Variants in DOCK8 observed in about 807,000 individuals in gnomAD.
The protein encoded by DOCK8 is dedicator of cytokinesis 8, also known as dedicator of cytokinesis protein 8.
A neutral mutation model predicts 245.6 loss-of-function variants in DOCK8; 141 were observed. The ratio of observed to expected loss-of-function variants is 0.57; its 90% CI spans 0.50 to 0.66. DOCK8 has a LOEUF of 0.66. Ranked by LOEUF, DOCK8 falls within the 30% of genes least tolerant of loss-of-function variation. DOCK8 has a pLI of 0.00. For missense variants in DOCK8, 2,965 were observed against 2,603.4 expected, an observed-to-expected ratio of 1.14 and a Z score of -3.02; for synonymous variants, 1,168 against 970.2, an observed-to-expected ratio of 1.20 and a Z score of -3.79.
chr9:237,978 A>G (rs2131400100), intron 1 of DOCK8, among the ~76,000 whole-genome samples: 1 of 152,274 alleles, frequency 6.6e-6, no homozygotes, highest in South Asian at 2.1e-4. Flanking sequence ...GGAATAGCTG[A>G]GTTATAGTCC....
At chr9:370,897 G>T (rs774726669) in intron 16 of DOCK8, among the ~76,000 whole-genome samples, 3 of 152,178 alleles carry the variant, frequency 2.0e-5, no homozygotes, top group Non-Finnish European at 4.4e-5. Flanking sequence ...ATTGGGATGA[G>T]GATTAAGTGA....
Position 434,745 on chromosome 9 carries a change from C to G in DOCK8, c.4887-38C>G. ...GTAGAAGAACAGTGTCATTAACCCA[C>G]TGTCCTCAAAACTACTTCTCACTCA... is the stretch of plus-strand genomic sequence containing the variant. On this transcript the variant is annotated intron_variant, in intron 38 of 47. Transcript: ENST00000432829. 1.9e-6 allele frequency: 3 copies of G among 1,607,106 alleles called. 1 individual carries two copies. In the South Asian group the frequency reaches 3.3e-5, roughly 18 times the overall value.
chr9:216,063 G>A (rs1207372494), intron 1 of DOCK8, among the ~76,000 whole-genome samples: 1 of 152,142 alleles, frequency 6.6e-6, no homozygotes, highest in African/African-American at 2.4e-5. Flanking sequence ...GAAAAACAAG[G>A]CGATAAGGTC....
At chr9:335,843 A>C (rs1391352184) in intron 11 of DOCK8, among the ~76,000 whole-genome samples, 2 of 152,182 alleles carry the variant, frequency 1.3e-5, no homozygotes, top group Non-Finnish European at 2.9e-5. Context: ...ATTCAACATC[A>C]TGGTAAGAAT....
intron 26 of DOCK8, among the ~76,000 whole-genome samples, chr9:400,554 T>C (rs1201677809): frequency 6.1e-3 from 32 of 5,250 alleles, no homozygotes; most frequent in Admixed American, 0.014. Context: ...ACCACCAGCA[T>C]CTTCACCATC....
intron 6 of DOCK8, among the ~76,000 whole-genome samples, chr9:315,510 T>A (rs905553396): frequency 6.6e-6 from 1 of 152,224 alleles, no homozygotes. Context: ...AAAAATTATT[T>A]AGTGGCAATA....
intron 24 of DOCK8, among the ~76,000 whole-genome samples, chr9:396,397 A>G (rs544029938): frequency 6.6e-6 from 1 of 152,320 alleles, no homozygotes; most frequent in South Asian, 2.1e-4. Context: ...ACCTTGTGAT[A>G]AACTGTTCCT....
In DOCK8 at chr9:371,473, G is replaced by C; in HGVS notation, c.1914G>C (p.Lys638Asn). The C allele has an allele frequency of 6.2e-7, 1 of 1,614,190 alleles. No homozygotes were observed. Among genetic ancestry groups the C allele is most frequent in the Non-Finnish European group, 8.5e-7 (1 of 1,180,028 alleles). Residue 638 changes from lysine (K) to asparagine (N), a missense_variant, in exon 17 of 48, where the codon AAG becomes AAC. Coordinates refer to ENST00000432829, the MANE Select transcript of DOCK8 (RefSeq NM_203447.4). ...AAGTGAAAATTAAGCTCCCCGCTAA[G>C]CTCACAGTAAATCACCACCTCCTGT... ...YEEVKIKLPA[K>N]LTVNHHLLFT...
At chr9:393,417 A>G (rs909477660) in intron 24 of DOCK8, among the ~76,000 whole-genome samples, 4 of 152,226 alleles carry the variant, frequency 2.6e-5, no homozygotes, top group African/African-American at 9.6e-5. Context: ...AGCATTTTAA[A>G]GCATCATCTA....
At chr9:346,334 T>TG (rs35174590) in intron 14 of DOCK8, among the ~76,000 whole-genome samples, 11,870 of 151,992 alleles carry the variant, frequency 0.078, 653 homozygotes, top group Non-Finnish European at 0.12. Flanking sequence ...TGCTTTCTGG[T>TG]GGGGGCAGAA....
chr9:348,890 C>A (rs1441328661), intron 14 of DOCK8, among the ~76,000 whole-genome samples: 1 of 152,148 alleles, frequency 6.6e-6, no homozygotes. Flanking sequence ...TTTACAGATG[C>A]CCCCAAAGGT....
At chr9:294,390 C>T (rs994420739) in intron 4 of DOCK8, among the ~76,000 whole-genome samples, 1 of 152,210 alleles carries the variant, frequency 6.6e-6, no homozygotes, top group Non-Finnish European at 1.5e-5. Flanking sequence ...CCATTACCAA[C>T]TGGGCATTAA....
intron 1 of DOCK8, among the ~76,000 whole-genome samples, chr9:217,731 A>G (rs1054824308): frequency 1.3e-5 from 2 of 152,212 alleles, no homozygotes; most frequent in Admixed American, 1.3e-4. Context: ...CCCAGACACT[A>G]TATTATACAG....
chr9:423,600 T>G (rs544550582), intron 33 of DOCK8, among the ~76,000 whole-genome samples: 1 of 152,244 alleles, frequency 6.6e-6, no homozygotes, highest in South Asian at 2.1e-4. Context: ...ACATTTATTT[T>G]AAAACATTAA....
rs151167563 is a variant in DOCK8 at position 297,456 on chromosome 9, C to T, written c.405-7125C>T. 1.7e-4 allele frequency among the ~76,000 whole-genome samples: 26 copies of T among 152,302 alleles called. No homozygotes were observed. The East Asian group carries it at 4.2e-3, about 25-fold the overall frequency. Reference sequence around the variant, plus strand: ...GTGTTTTAAGAAAAGGAATGCAGATCTCCTGGGAAGCAATAGGTCGAGTTC... The same window carrying T: ...GTGTTTTAAGAAAAGGAATGCAGATTTCCTGGGAAGCAATAGGTCGAGTTC... On this transcript the variant is annotated intron_variant, in intron 4 of 47. Coordinates refer to ENST00000432829, the MANE Select transcript of DOCK8 (RefSeq NM_203447.4).
chr9:399,592 C>T (rs2131420114), intron 26 of DOCK8, among the ~76,000 whole-genome samples: 1 of 152,166 alleles, frequency 6.6e-6, no homozygotes, highest in South Asian at 2.1e-4. Context: ...TTTGACAAGT[C>T]CTTGCGCTCC....
intron 4 of DOCK8, among the ~76,000 whole-genome samples, chr9:291,154 A>G (rs1191870097): frequency 1.3e-5 from 2 of 152,236 alleles, no homozygotes; most frequent in Non-Finnish European, 2.9e-5. Flanking sequence ...AAATCTGAGA[A>G]GGAACAAATA....
intron 5 of DOCK8, among the ~76,000 whole-genome samples, chr9:308,472 G>A (rs2049946025): frequency 6.6e-6 from 1 of 152,168 alleles, no homozygotes; most frequent in Non-Finnish European, 1.5e-5. Context: ...TCATTCTTGT[G>A]CACCTTCTTA....
chr9:223,205 A>T (rs2046921664), intron 1 of DOCK8, among the ~76,000 whole-genome samples: 1 of 152,230 alleles, frequency 6.6e-6, no homozygotes, highest in Non-Finnish European at 1.5e-5. Flanking sequence ...CAAATAGCTA[A>T]ACTGGAACTA....
Sources: allele counts gnomAD v4.1 joint callset (sites outside exome capture counted in the v4.1 genomes callset), GRCh38; gene constraint gnomAD v4.1.1; transcripts MANE v1.5; gene names NCBI Gene and HGNC (gene_info 2026-07-23, HGNC 2026-07-21).